The following SPTBN1 variants were observed in gnomAD, a reference collection of about 807,000 sequenced individuals.
SPTBN1 encodes spectrin beta chain, non-erythrocytic 1.
A neutral mutation model predicts 266.4 loss-of-function variants in SPTBN1; 32 were observed. That is an observed-to-expected ratio of 0.12 (90% CI 0.09 to 0.16). The LOEUF is 0.16. Among genes scored for constraint, SPTBN1 ranks in the 10% least tolerant of loss-of-function variants. The pLI, the probability that SPTBN1 is intolerant of heterozygous loss-of-function variation, is 1.00. For missense variants in SPTBN1, 2,296 were observed against 3,067.1 expected (o/e 0.75, Z 5.94); for synonymous variants, 1,336 against 1,162.2 (o/e 1.15, Z -3.04).
intron 1 of SPTBN1, among the ~76,000 whole-genome samples, chr2:54,483,590 T>A (rs1200041585): frequency 1.3e-5 from 2 of 152,150 alleles, no homozygotes; most frequent in Non-Finnish European, 2.9e-5. Context: ...CGCTGGACAT[T>A]AGCACCTCCC....
rs116690950 is a variant in SPTBN1, at chr2:54,600,697, A to G, written c.300+1454A>G. Among the ~76,000 whole-genome samples, 313 of 149,114 alleles carry G rather than the reference A, an allele frequency of 2.1e-3. 1 individual carries two copies. The highest frequency in any genetic ancestry group is 7.4e-3 in the African/African-American group (299 of 40,346). On this transcript the variant is annotated intron_variant, in intron 3 of 35. Transcript: ENST00000356805. ...TTTTTTGTTTCTTAGTGTTTAACCTAGTATGTTTATTTATTGATTTTTTTT... is the reference window on the plus strand; with the variant it reads ...TTTTTTGTTTCTTAGTGTTTAACCTGGTATGTTTATTTATTGATTTTTTTT...
chr2:54,506,180 G>GTA (rs1229132501), intron 1 of SPTBN1, among the ~76,000 whole-genome samples: 8 of 152,062 alleles, frequency 5.3e-5, no homozygotes, highest in Non-Finnish European at 1.0e-4. Context: ...ATGCAAGACT[G>GTA]TATGTGTGCT....
Position 54,631,153 on chromosome 2 carries a change from C to T in SPTBN1, c.3106C>T (p.Arg1036Trp). The T allele has an allele frequency of 6.2e-7, 1 of 1,614,170 alleles. No homozygotes were observed. Among genetic ancestry groups the T allele is most frequent in the Non-Finnish European group, 8.5e-7 (1 of 1,180,028 alleles). ...CGACCAGGCCCAGGCCATCCTGTCTCGGCTGGCCGAGATCAGCGACGTGTG... is the reference window on the plus strand; with the variant it reads ...CGACCAGGCCCAGGCCATCCTGTCTTGGCTGGCCGAGATCAGCGACGTGTG... ...HPDQAQAILS[R>W]LAEISDVWEE... The change falls in exon 16 of 36, where the codon CGG becomes TGG. Residue 1036 changes from arginine to tryptophan, a missense_variant. By Grantham distance (101) the Arg-to-Trp change is moderately radical. This residue lies in a region of SPTBN1 where 128 missense variants were observed against 176.5 expected (regional missense o/e 0.73). Coordinates refer to ENST00000356805, the MANE Select transcript of SPTBN1 (RefSeq NM_003128.3).
chr2:54,526,812 G>GC, intron 2 of SPTBN1: 1 of 354,454 alleles, frequency 2.8e-6, no homozygotes, highest in Non-Finnish European at 5.0e-6. Context: ...AAGAACAGCT[G>GC]CCCTAAGTTT....
Position 54,617,675 on chromosome 2 carries a change from A to G in SPTBN1, c.634A>G (p.Ile212Val). 1 of 1,614,114 alleles carries G rather than the reference A, an allele frequency of 6.2e-7. No individual in the cohort carries two copies. Among genetic ancestry groups the G allele is most frequent in the Non-Finnish European group, 8.5e-7 (1 of 1,179,966 alleles). The change falls in exon 6 of 36, where the codon ATA becomes GTA. Residue 212 changes from isoleucine (I) to valine (V), a missense_variant. Transcript: ENST00000356805. ...GGACGGCATGGCCTTCAATGCACTG[A>G]TACACAAACACCGGTAAGTCCATAC... is the stretch of plus-strand genomic sequence containing the variant. ...WRDGMAFNAL[I>V]HKHRPDLIDF...
intron 2 of SPTBN1, among the ~76,000 whole-genome samples, chr2:54,598,088 A>G (rs980025222): frequency 6.6e-6 from 1 of 152,172 alleles, no homozygotes; most frequent in South Asian, 2.1e-4. Context: ...TGTTTAGAAC[A>G]TTCTGCAGAG....
At position 54,629,765 on chromosome 2, in the gene SPTBN1, C is replaced by T; in HGVS notation, c.2631C>T (p.Ile877=). 6.2e-7 allele frequency: 1 copy of T among 1,610,658 alleles called. No homozygotes were observed. The highest frequency in any genetic ancestry group is 8.5e-7 in the Non-Finnish European group (1 of 1,179,744). Reference sequence around the variant, plus strand: ...AGCAGTGGCTCAACAACATGCAGATCCCAGAGAAGCTGGAGGATCTGGAGG... The same window carrying T: ...AGCAGTGGCTCAACAACATGCAGATTCCAGAGAAGCTGGAGGATCTGGAGG... The part of the protein sequence containing the change: ...EKEQWLNNMQ[I]PEKLEDLEVI... Residue 877 remains isoleucine (I), a synonymous_variant, in exon 14 of 36, where the codon ATC becomes ATT. Coordinates refer to ENST00000356805, the MANE Select transcript of SPTBN1 (RefSeq NM_003128.3).
At position 54,670,602 on chromosome 2, in the gene SPTBN1, A is replaced by AT. The variant is rs1212699137; in HGVS notation, c.*2033_*2034insT. On this transcript the variant is annotated 3_prime_UTR_variant, in exon 36 of 36. Transcript: ENST00000356805. The stretch of plus-strand genomic sequence containing the variant: ...AGACCAAAATGTTTAGTTAAGGCAA[A>AT]GTATCTTGGAAACAATTGTGATTAA... The AT allele has an allele frequency of 2.3e-5, 9 of 398,406 alleles. No individual in the cohort carries two copies. The highest frequency in any genetic ancestry group is 1.9e-4 in the African/African-American group (9 of 48,642). The allele number at this position is 398,406 out of a possible 1,614,324, so 24.7% of individuals were successfully genotyped here. A position where few individuals can be genotyped will look rare whatever the true frequency, so the allele number is the denominator to read the frequency against.
chr2:54,643,639 C>T (rs1025347771), intron 19 of SPTBN1, among the ~76,000 whole-genome samples: 1 of 152,174 alleles, frequency 6.6e-6, no homozygotes, highest in Middle Eastern at 3.2e-3. Flanking sequence ...CCCTTCCCCC[C>T]GACTTCTCTC....
intron 1 of SPTBN1, among the ~76,000 whole-genome samples, chr2:54,501,849 G>A (rs1279545974): frequency 6.6e-6 from 1 of 152,218 alleles, no homozygotes; most frequent in African/African-American, 2.4e-5. Context: ...AGAAGTGGGA[G>A]CTAGAATATG....
At chr2:54,491,252 T>C (rs1162462574) in intron 1 of SPTBN1, among the ~76,000 whole-genome samples, 2 of 152,214 alleles carry the variant, frequency 1.3e-5, no homozygotes, top group Non-Finnish European at 2.9e-5. Context: ...CTGTGAGGAT[T>C]TACCTTCTTT....
intron 2 of SPTBN1, chr2:54,528,435 G>A (rs1489792647): frequency 1.3e-5 from 2 of 152,600 alleles, no homozygotes. Context: ...TGTTTACCTA[G>A]GTCCCTCAGT....
intron 26 of SPTBN1, among the ~76,000 whole-genome samples, chr2:54,650,732 A>G (rs1348938229): frequency 6.6e-6 from 1 of 152,234 alleles, no homozygotes; most frequent in African/African-American, 2.4e-5. Context: ...TATGAGATAC[A>G]TACTCTGTTG....
At chr2:54,500,967 G>A (rs1302598578) in intron 1 of SPTBN1, among the ~76,000 whole-genome samples, 1 of 152,110 alleles carries the variant, frequency 6.6e-6, no homozygotes, top group Non-Finnish European at 1.5e-5. Context: ...CTTTATAGAC[G>A]AGGAAATTGA....
At chr2:54,643,207 TTCCAGCATATC>T in intron 19 of SPTBN1, 78 bp downstream of exon 19, 1 of 1,574,900 alleles carries the variant, frequency 6.3e-7, no homozygotes, top group Non-Finnish European at 8.6e-7. Flanking sequence ...TTAGCACATT[TTCCAGCATATC>T]TGATCTTATC....
chr2:54,667,743 G>A lies in SPTBN1; in HGVS notation c.6876+97G>A, dbSNP rs1402897125. ...TCAGAAAGTTCTTCATGTAAATGAT[G>A]ATCAGTGATGGTTTCTATCACTGGG... On this transcript the variant is annotated intron_variant, in intron 35 of 35. Transcript: ENST00000356805. 4 of 1,125,644 alleles carry A rather than the reference G, an allele frequency of 3.6e-6. No homozygotes were observed. In the African/African-American group the frequency reaches 4.6e-5, roughly 13 times the overall value. The allele number at this position is 1,125,644 out of a possible 1,614,324, so 69.7% of individuals were successfully genotyped here. A position where few individuals can be genotyped will look rare whatever the true frequency, so the allele number is the denominator to read the frequency against.
Position 54,468,109 on chromosome 2 carries a change from C to T in SPTBN1, c.-48+11591C>T, listed in dbSNP as rs930215718. Among the ~76,000 whole-genome samples, 5 of 152,118 alleles carry T rather than the reference C, an allele frequency of 3.3e-5. No individual in the cohort carries two copies. In the South Asian group the frequency reaches 1.0e-3, roughly 32 times the overall value. ...AGATCATGAGGTCAGGAGTTTGAGA[C>T]GAGCCTGGCCAACATAGTGAAACTT... is the stretch of plus-strand genomic sequence containing the variant. On this transcript the variant is annotated intron_variant, in intron 1 of 35. Coordinates refer to ENST00000356805, the MANE Select transcript of SPTBN1 (RefSeq NM_003128.3).
intron 5 of SPTBN1, among the ~76,000 whole-genome samples, chr2:54,616,649 G>C (rs1015793631): frequency 6.6e-6 from 1 of 152,094 alleles, no homozygotes; most frequent in African/African-American, 2.4e-5. Context: ...TTTCTGTTTT[G>C]GGGAGCTTTC....
At chr2:54,457,909 G>A (rs1693153337) in intron 1 of SPTBN1, among the ~76,000 whole-genome samples, 1 of 152,264 alleles carries the variant, frequency 6.6e-6, no homozygotes, top group South Asian at 2.1e-4. Context: ...CAGGCAGAGG[G>A]GAGCCGGCCT....
Sources: allele counts gnomAD v4.1 joint callset (sites outside exome capture counted in the v4.1 genomes callset), GRCh38; gene constraint gnomAD v4.1.1; regional missense constraint gnomAD v4.1.1; transcripts MANE v1.5; gene names NCBI Gene and HGNC (gene_info 2026-07-23, HGNC 2026-07-21).